The following GABRG3 variants were observed in gnomAD, a reference collection of about 807,000 sequenced individuals.
The protein encoded by GABRG3 is gamma-aminobutyric acid type A receptor subunit gamma3, also known as gamma-aminobutyric acid receptor subunit gamma-3.
GABRG3 carries 25 observed loss-of-function variants against 48.8 expected under a neutral mutation model. The ratio of observed to expected loss-of-function variants is 0.51; its 90% CI spans 0.37 to 0.72. The LOEUF is 0.72. Ranked by LOEUF, GABRG3 falls within the 30% of genes least tolerant of loss-of-function variation. The pLI is 0.00. For synonymous variants in GABRG3, 227 were observed against 217.6 expected (o/e 1.04, Z -0.38); for missense variants, 394 against 577.9 (o/e 0.68, Z 3.26).
chr15:27,192,951 G>T (rs1329045906), intron 3 of GABRG3, among the ~76,000 whole-genome samples: 1 of 152,210 alleles, frequency 6.6e-6, no homozygotes, highest in African/African-American at 2.4e-5. Context: ...ACCCTCAGCT[G>T]CAGGTCTGTT....
intron 5 of GABRG3, among the ~76,000 whole-genome samples, chr15:27,387,865 AGGAG>A (rs138324674): frequency 0.23 from 8,796 of 39,010 alleles, 1,719 homozygotes; most frequent in East Asian, 0.49. Context: ...GAAGGGAGGA[AGGAG>A]GGAGGGAGGG....
At chr15:27,530,775 C>T (rs949813875) in intron 9 of GABRG3, 13 of 467,394 alleles carry the variant, frequency 2.8e-5, no homozygotes, top group African/African-American at 1.2e-4. Flanking sequence ...TCTGTGTCTC[C>T]GGTAGCTCCC....
intron 6 of GABRG3, among the ~76,000 whole-genome samples, chr15:27,511,887 G>A (rs1255081511): frequency 6.6e-6 from 1 of 152,212 alleles, no homozygotes; most frequent in Non-Finnish European, 1.5e-5. Context: ...AACTGAGTCA[G>A]TGAGGAAGTA....
At chr15:27,353,690 C>A (rs1398760282) in intron 5 of GABRG3, among the ~76,000 whole-genome samples, 1 of 152,062 alleles carries the variant, frequency 6.6e-6, no homozygotes, top group East Asian at 1.9e-4. Context: ...GTGATCCACC[C>A]ACCTCACCTC....
At chr15:27,517,380 T>C (rs1891047781) in intron 6 of GABRG3, among the ~76,000 whole-genome samples, 1 of 152,228 alleles carries the variant, frequency 6.6e-6, no homozygotes, top group Non-Finnish European at 1.5e-5. Context: ...AAAGCACCCA[T>C]GTCTGGGAAA....
At chr15:27,021,673 T>C (rs1487358160) in intron 2 of GABRG3, among the ~76,000 whole-genome samples, 3 of 152,006 alleles carry the variant, frequency 2.0e-5, no homozygotes, top group Non-Finnish European at 4.4e-5. Context: ...AGACTCTATT[T>C]CTACAAAAAA....
chr15:26,996,478 T>C (rs942406009), intron 2 of GABRG3, among the ~76,000 whole-genome samples: 1 of 152,112 alleles, frequency 6.6e-6, no homozygotes, highest in African/African-American at 2.4e-5. Context: ...TGTTTTTCTC[T>C]TGCGGCTTCC....
Position 27,352,572 on chromosome 15 carries a change from A to G in GABRG3, c.574+23684A>G, listed in dbSNP as rs1245853429. On this transcript the variant is annotated intron_variant, in intron 5 of 9. Coordinates refer to ENST00000615808, the MANE Select transcript of GABRG3 (RefSeq NM_033223.5). The surrounding 1 kb of genome is among the most constrained non-coding windows in gnomAD (Gnocchi z 4.0). The stretch of plus-strand genomic sequence containing the variant: ...CTGTGCCGCCTGCTGTTCAGGTGCT[A>G]TTTCTGTCCGACCTGTGGGACAGGC... Among the ~76,000 whole-genome samples, 2 of 152,040 alleles carry G rather than the reference A, an allele frequency of 1.3e-5. No individual in the cohort carries two copies. Among genetic ancestry groups the G allele is most frequent in the Admixed American group, 6.5e-5 (1 of 15,268 alleles).
At chr15:27,225,749 C>T (rs1055140774) in intron 3 of GABRG3, among the ~76,000 whole-genome samples, 2 of 152,016 alleles carry the variant, frequency 1.3e-5, no homozygotes, top group African/African-American at 2.4e-5. Context: ...TAACAGGTGC[C>T]CTCCACCTGC....
At chr15:27,138,223 A>G (rs1898043218) in intron 3 of GABRG3, among the ~76,000 whole-genome samples, 1 of 152,140 alleles carries the variant, frequency 6.6e-6, no homozygotes, top group Admixed American at 6.5e-5. Context: ...GACACAAACA[A>G]TTTGTCTTCT....
intron 5 of GABRG3, among the ~76,000 whole-genome samples, chr15:27,451,776 A>G (rs1052352619): frequency 1.3e-5 from 2 of 152,198 alleles, no homozygotes; most frequent in African/African-American, 4.8e-5. Context: ...AATATCTGCA[A>G]ACTACACACC....
intron 3 of GABRG3, among the ~76,000 whole-genome samples, chr15:27,148,153 G>C (rs1443784228): frequency 6.6e-6 from 1 of 151,474 alleles, no homozygotes; most frequent in Non-Finnish European, 1.5e-5. Context: ...ATGGGGTGGG[G>C]GAAGAATTAC....
intron 3 of GABRG3, among the ~76,000 whole-genome samples, chr15:27,184,752 G>A (rs1358355788): frequency 6.6e-6 from 1 of 152,152 alleles, no homozygotes; most frequent in Non-Finnish European, 1.5e-5. Flanking sequence ...GTTTAATGTA[G>A]TTTGAATTTT....
At chr15:27,237,568 CAG>C (rs1328029912) in intron 3 of GABRG3, among the ~76,000 whole-genome samples, 2 of 152,080 alleles carry the variant, frequency 1.3e-5, no homozygotes, top group Admixed American at 1.3e-4. Flanking sequence ...CACACAGGGA[CAG>C]GGATAAGTTA....
chr15:27,307,831 C>CATGTTTATATATAA (rs1555370136), intron 3 of GABRG3, among the ~76,000 whole-genome samples: 1 of 107,662 alleles, frequency 9.3e-6, no homozygotes, highest in African/African-American at 3.6e-5. Context: ...TAAACATAAA[C>CATGTTTATATATAA]ATATATAAAA....
At chr15:27,118,323 G>A (rs1036877451) in intron 3 of GABRG3, among the ~76,000 whole-genome samples, 3 of 152,144 alleles carry the variant, frequency 2.0e-5, no homozygotes, top group African/African-American at 7.2e-5. Flanking sequence ...AGATAAGGAT[G>A]ATGGCATTGA....
At chr15:27,350,978 T>A (rs939058723) in intron 5 of GABRG3, among the ~76,000 whole-genome samples, 1 of 151,602 alleles carries the variant, frequency 6.6e-6, no homozygotes, top group Non-Finnish European at 1.5e-5. Context: ...TGTTTGTGTG[T>A]GTATGGTGTG....
intron 3 of GABRG3, among the ~76,000 whole-genome samples, chr15:27,196,991 C>A (rs879940414): frequency 6.6e-5 from 10 of 152,154 alleles, no homozygotes; most frequent in African/African-American, 1.2e-4. Flanking sequence ...GAGCACACAG[C>A]TCTATTAAGT....
intron 3 of GABRG3, among the ~76,000 whole-genome samples, chr15:27,300,285 C>G (rs538679117): frequency 1.0e-3 from 156 of 152,264 alleles, no homozygotes; most frequent in Admixed American, 3.0e-3. Flanking sequence ...CATTTCAACT[C>G]CTATGAGAAC....
Sources: allele counts gnomAD v4.1 joint callset (sites outside exome capture counted in the v4.1 genomes callset), GRCh38; gene constraint gnomAD v4.1.1; non-coding constraint Gnocchi (gnomAD v3.1); transcripts MANE v1.5; gene names NCBI Gene and HGNC (gene_info 2026-07-23, HGNC 2026-07-21).